Variants in MIB1 observed in about 807,000 individuals in gnomAD.
MIB1 encodes the protein MIB E3 ubiquitin protein ligase 1.
Under a neutral mutation model 124.5 loss-of-function variants are expected in MIB1, and 278 were observed. The observed-to-expected ratio is 2.23, with a 90% CI of 2.02 to 2.47. MIB1 has a LOEUF of 2.47. Among genes scored for constraint, MIB1 ranks in the 30% most tolerant of loss-of-function variants. The pLI, the probability that MIB1 is intolerant of heterozygous loss-of-function variation, is 0.00. For missense variants in MIB1, 957 were observed against 1,254.4 expected, an observed-to-expected ratio of 0.76 and a Z score of 3.58; for synonymous variants, 446 against 429.4, an observed-to-expected ratio of 1.04 and a Z score of -0.48.
At chr18:21,836,883 C>T (rs1038792096) in intron 12 of MIB1, among the ~76,000 whole-genome samples, 13 of 151,976 alleles carry the variant, frequency 8.6e-5, no homozygotes, top group Admixed American at 5.9e-4. Flanking sequence ...AATACTTTTT[C>T]CCATTGAGAA....
At chr18:21,778,288 T>G in intron 5 of MIB1, 119 bp downstream of exon 5, 1 of 620,434 alleles carries the variant, frequency 1.6e-6, no homozygotes, top group Non-Finnish European at 2.7e-6. Flanking sequence ...AGAGAAAAAA[T>G]TTTTTGGCTT....
At chr18:21,720,122 A>T (rs2040708126) in intron 1 of MIB1, among the ~76,000 whole-genome samples, 1 of 152,226 alleles carries the variant, frequency 6.6e-6, no homozygotes, top group Non-Finnish European at 1.5e-5. Context: ...TATATCAATC[A>T]TACCTCAGGA....
chr18:21,760,553 G>A (rs1255332998), intron 1 of MIB1, among the ~76,000 whole-genome samples: 1 of 152,176 alleles, frequency 6.6e-6, no homozygotes, highest in South Asian at 2.1e-4. Flanking sequence ...GTGCTTTTGT[G>A]TGCATTAATG....
chr18:21,750,771 GC>G (rs1230424906), intron 1 of MIB1, among the ~76,000 whole-genome samples: 1 of 152,142 alleles, frequency 6.6e-6, no homozygotes, highest in Non-Finnish European at 1.5e-5. Flanking sequence ...GCCATCTCCT[GC>G]CCCACACCTC....
chr18:21,746,941 TTAA>T (rs1355426521), intron 1 of MIB1, among the ~76,000 whole-genome samples: 1 of 152,146 alleles, frequency 6.6e-6, no homozygotes, highest in Non-Finnish European at 1.5e-5. Flanking sequence ...ATGAAATGAA[TTAA>T]TAATCCTCAG....
rs2042341792 is a variant in MIB1, at chr18:21,869,527, AG to A, written c.*4862del. On this transcript the variant is annotated 3_prime_UTR_variant, in exon 21 of 21. Transcript: ENST00000261537. ...TACACGTTTTAAAGTCATATTGCTT[AG>A]CTTGTTAATAATGATTCTGCATGTG... The A allele has an allele frequency of 6.6e-6, 1 of 152,500 alleles. No homozygotes were observed. The highest frequency in any genetic ancestry group is 2.4e-5 in the African/African-American group (1 of 41,446). The allele number at this position is 152,500 out of a possible 1,614,324, so 9.4% of individuals were successfully genotyped here. A position where few individuals can be genotyped will look rare whatever the true frequency, so the allele number is the denominator to read the frequency against.
At chr18:21,831,961 G>A (rs539424206) in intron 12 of MIB1, among the ~76,000 whole-genome samples, 50 of 152,178 alleles carry the variant, frequency 3.3e-4, no homozygotes, top group Non-Finnish European at 7.1e-4. Context: ...AGGCCTGAAA[G>A]GATTTTGTAG....
At chr18:21,788,845 A>G (rs999540829) in intron 6 of MIB1, among the ~76,000 whole-genome samples, 25 of 152,242 alleles carry the variant, frequency 1.6e-4, no homozygotes, top group African/African-American at 5.8e-4. Flanking sequence ...AAATGAAATT[A>G]AAACAATTTC....
chr18:21,770,884 A>G (rs2041217404), intron 3 of MIB1, among the ~76,000 whole-genome samples: 1 of 152,172 alleles, frequency 6.6e-6, no homozygotes, highest in South Asian at 2.1e-4. Flanking sequence ...GATTCTTTAT[A>G]GTATTCTTTA....
chr18:21,831,826 A>G (rs1666700909), intron 12 of MIB1, among the ~76,000 whole-genome samples: 1 of 152,338 alleles, frequency 6.6e-6, no homozygotes, highest in East Asian at 1.9e-4. Flanking sequence ...TACCATGGCT[A>G]GTAGCAAGAC....
At chr18:21,773,814 C>A in intron 4 of MIB1, 86 bp downstream of exon 4, 2 of 774,978 alleles carry the variant, frequency 2.6e-6, no homozygotes, top group South Asian at 1.8e-5. Context: ...TTTCCTTTGT[C>A]ATCTCCCTTT....
rs2041334368 is a variant in MIB1 at position 21,779,606 on chromosome 18, G to A, written c.829G>A (p.Glu277Lys). 6.2e-7 allele frequency: 1 copy of A among 1,613,966 alleles called. No individual in the cohort carries two copies. The highest frequency in any genetic ancestry group is 1.3e-5 in the African/African-American group (1 of 74,922). The stretch of plus-strand genomic sequence containing the variant: ...TGGAGGATGGACTGATGGAATGTTT[G>A]AGACTTTAACTACAACTGGAACTGT... ...GHGGWTDGMF[E>K]TLTTTGTVCG... is the part of the protein sequence containing the mutation. The change falls in exon 6 of 21, where the codon GAG (glutamate) becomes AAG (lysine). Residue 277 changes from glutamate to lysine, a missense_variant. Coordinates refer to ENST00000261537, the MANE Select transcript of MIB1 (RefSeq NM_020774.4).
At chr18:21,812,437 T>C (rs1484958849) in intron 10 of MIB1, 2 of 152,012 alleles carry the variant, frequency 1.3e-5, no homozygotes, top group Non-Finnish European at 2.9e-5. Flanking sequence ...GATAAGAAAG[T>C]GAAGGGAGGT....
intron 4 of MIB1, among the ~76,000 whole-genome samples, chr18:21,775,442 A>G (rs2041273667): frequency 6.6e-6 from 1 of 152,120 alleles, no homozygotes; most frequent in Admixed American, 6.5e-5. Flanking sequence ...GGGTCTTGCT[A>G]TATTGTCCAC....
chr18:21,858,687 A>G, intron 20 of MIB1, 41 bp downstream of exon 20: 1 of 1,001,350 alleles, frequency 1.0e-6, no homozygotes, highest in Non-Finnish European at 1.6e-6. Context: ...TGTGAATGGC[A>G]CTGAATATTT....
At chr18:21,732,952 T>C (rs913980125) in intron 1 of MIB1, among the ~76,000 whole-genome samples, 5 of 152,168 alleles carry the variant, frequency 3.3e-5, no homozygotes, top group African/African-American at 4.8e-5. Context: ...CTCCAGAAAG[T>C]CAACAAGCAA....
chr18:21,727,674 G>A (rs1212133069), intron 1 of MIB1, among the ~76,000 whole-genome samples: 1 of 152,126 alleles, frequency 6.6e-6, no homozygotes, highest in Non-Finnish European at 1.5e-5. Flanking sequence ...TGAGGTGAGG[G>A]GATAGCTTAA....
At chr18:21,761,726 T>G (rs2041099494) in intron 1 of MIB1, among the ~76,000 whole-genome samples, 2 of 152,216 alleles carry the variant, frequency 1.3e-5, no homozygotes, top group Non-Finnish European at 2.9e-5. Context: ...TCTGTCCATG[T>G]CTGTCTGTCT....
chr18:21,802,856 A>G (rs536674112), intron 9 of MIB1, among the ~76,000 whole-genome samples: 8 of 152,314 alleles, frequency 5.3e-5, no homozygotes, highest in South Asian at 2.1e-4. Context: ...ATACCATCCT[A>G]TAGCAATCTA....
Sources: allele counts gnomAD v4.1 joint callset (sites outside exome capture counted in the v4.1 genomes callset), GRCh38; gene constraint gnomAD v4.1.1; transcripts MANE v1.5; gene names NCBI Gene and HGNC (gene_info 2026-07-23, HGNC 2026-07-21).